PCLO: variants seen among roughly 807,000 people sequenced by gnomAD.
PCLO encodes piccolo presynaptic cytomatrix protein.
PCLO carries 82 observed loss-of-function variants against 427.5 expected under a neutral mutation model. The observed-to-expected ratio is 0.19, with a 90% CI of 0.16 to 0.23. The LOEUF (loss-of-function observed/expected upper bound fraction) is 0.23. PCLO is among the 10% of genes least tolerant of loss of function. The pLI is 1.00. For missense variants in PCLO, 6,239 were observed against 6,115.9 expected (o/e 1.02, Z -0.67); for synonymous variants, 2,357 against 2,155.4 (o/e 1.09, Z -2.59).
chr7:83,062,298 C>A (rs373566666), intron 3 of PCLO, among the ~76,000 whole-genome samples: 5 of 152,152 alleles, frequency 3.3e-5, no homozygotes, highest in African/African-American at 1.2e-4. Flanking sequence ...CACCAATGTG[C>A]TAAATCATAG....
At chr7:82,993,216 T>C (rs1372749870) in intron 3 of PCLO, among the ~76,000 whole-genome samples, 1 of 152,050 alleles carries the variant, frequency 6.6e-6, no homozygotes, top group East Asian at 1.9e-4. Context: ...AATTTTTTCA[T>C]ATGTCTTACT....
intron 3 of PCLO, among the ~76,000 whole-genome samples, chr7:83,061,185 G>C (rs1404294824): frequency 6.6e-6 from 1 of 152,082 alleles, no homozygotes; most frequent in Non-Finnish European, 1.5e-5. Context: ...TCAAAGTGTT[G>C]GCTGAGCTAT....
intron 2 of PCLO, among the ~76,000 whole-genome samples, chr7:83,145,842 C>T (rs1044382152): frequency 3.9e-5 from 6 of 152,120 alleles, no homozygotes; most frequent in Non-Finnish European, 8.8e-5. Context: ...GACCAAATCA[C>T]ACAACAAATA....
At chr7:82,844,727 C>T (rs532923644) in intron 13 of PCLO, among the ~76,000 whole-genome samples, 5 of 152,028 alleles carry the variant, frequency 3.3e-5, no homozygotes, top group Middle Eastern at 3.4e-3. Context: ...TTAAATTCCC[C>T]GGCACTTTGA....
At position 83,155,973 on chromosome 7, in the gene PCLO, T is replaced by G. The variant is rs1266106841; in HGVS notation, c.668A>C (p.Gln223Pro). 1 of 1,613,738 alleles carries G rather than the reference T, an allele frequency of 6.2e-7. No homozygotes were observed. Among genetic ancestry groups the G allele is most frequent in the Non-Finnish European group, 8.5e-7 (1 of 1,179,852 alleles). Residue 223 changes from glutamine to proline, a missense_variant, in exon 2 of 25, where the codon CAA becomes CCA. Physicochemically the swap from Gln to Pro is moderately conservative, Grantham distance 76. Coordinates refer to ENST00000333891, the MANE Select transcript of PCLO (RefSeq NM_033026.6). ...QQPPKPIPKQ[Q>P]GPGRDPLQQD... Reference sequence around the variant, plus strand: ...CTGAAGCGGATCCCTACCAGGTCCTTGCTGCTTAGGAATCGGCTTGGGTGG... The same window carrying G: ...CTGAAGCGGATCCCTACCAGGTCCTGGCTGCTTAGGAATCGGCTTGGGTGG...
intron 22 of PCLO, among the ~76,000 whole-genome samples, chr7:82,769,410 T>A (rs1292739041): frequency 3.3e-5 from 5 of 152,126 alleles, no homozygotes; most frequent in Non-Finnish European, 5.9e-5. Flanking sequence ...TGCTAAAACA[T>A]GAAAAGTGAC....
rs762238411 is a variant in PCLO, at chr7:82,952,680, A to T, written c.8273T>A (p.Ile2758Asn). The change falls in exon 5 of 25, where the codon ATC (isoleucine) becomes AAC (asparagine). Residue 2758 changes from isoleucine (I) to asparagine (N), a missense_variant. Ile to Asn is a moderately radical substitution (Grantham distance 149). Coordinates refer to ENST00000333891, the MANE Select transcript of PCLO (RefSeq NM_033026.6). ...TTTCCCATAAACTTCATTTGCTGTG[A>T]TCTGCCTTTTCACATCCATTGTAGA... ...SASTMDVKRQITANEVYGKQI... is the reference protein window; with the variant it reads ...SASTMDVKRQNTANEVYGKQI... 3 of 1,613,840 alleles carry T rather than the reference A, an allele frequency of 1.9e-6. No homozygotes were observed. The highest frequency in any genetic ancestry group is 1.3e-5 in the African/African-American group (1 of 74,934).
chr7:83,037,989 TTATA>T (rs1161030427), intron 3 of PCLO, among the ~76,000 whole-genome samples: 37 of 13,590 alleles, frequency 2.7e-3, no homozygotes, highest in East Asian at 9.6e-3. Flanking sequence ...AAGGAGGAGC[TTATA>T]TATATATATA....
rs869061778 is a variant in PCLO, at chr7:83,043,912, CTTTTTTT to C, written c.3301-77432_3301-77426del. ...AACTCAATCTTATTACTATTATTTT[CTTTTTTT>C]TTTTTTTTTTTTTTTTGCATTCTAT... On this transcript the variant is annotated intron_variant, in intron 3 of 24. Coordinates refer to ENST00000333891, the MANE Select transcript of PCLO (RefSeq NM_033026.6). Among the ~76,000 whole-genome samples, 365 of 94,928 alleles carry C rather than the reference CTTTTTTT, an allele frequency of 3.8e-3. 1 individual carries two copies. Among genetic ancestry groups the C allele is most frequent in the African/African-American group, 0.013 (319 of 24,552 alleles). 62.3% of individuals were successfully genotyped at this position (94,928 alleles called of 152,430 possible).
At chr7:82,814,850 C>T (rs2115593336) in intron 20 of PCLO, among the ~76,000 whole-genome samples, 1 of 152,030 alleles carries the variant, frequency 6.6e-6, no homozygotes, top group Non-Finnish European at 1.5e-5. Flanking sequence ...CATCCCCCGC[C>T]CCTACCAGGA....
At chr7:83,071,122 A>G (rs1045611915) in intron 3 of PCLO, among the ~76,000 whole-genome samples, 2 of 152,046 alleles carry the variant, frequency 1.3e-5, no homozygotes, top group Non-Finnish European at 2.9e-5. Context: ...TTATATTCAC[A>G]CTGTTGTGCA....
intron 3 of PCLO, among the ~76,000 whole-genome samples, chr7:82,986,900 A>G (rs1308359678): frequency 6.6e-6 from 1 of 151,958 alleles, no homozygotes; most frequent in Non-Finnish European, 1.5e-5. Flanking sequence ...AGCCTGTGAC[A>G]TTTCATAGAG....
intron 3 of PCLO, among the ~76,000 whole-genome samples, chr7:83,124,593 G>A (rs1408544788): frequency 2.0e-5 from 3 of 152,230 alleles, no homozygotes; most frequent in East Asian, 1.9e-4. Flanking sequence ...CCACTATGGA[G>A]AATAGTATGG....
intron 3 of PCLO, among the ~76,000 whole-genome samples, chr7:83,116,796 T>G (rs887011867): frequency 1.3e-5 from 2 of 152,314 alleles, no homozygotes; most frequent in South Asian, 4.1e-4. Flanking sequence ...ACGCCAAACA[T>G]GTCAGGCCTG....
intron 6 of PCLO, among the ~76,000 whole-genome samples, chr7:82,922,436 GACAAC>G (rs1443216460): frequency 1.3e-5 from 2 of 151,776 alleles, no homozygotes; most frequent in African/African-American, 4.8e-5. Flanking sequence ...TGTCCTTTGT[GACAAC>G]ATGAATGGAG....
intron 3 of PCLO, among the ~76,000 whole-genome samples, chr7:82,977,483 G>C (rs956571002): frequency 1.3e-5 from 2 of 151,284 alleles, no homozygotes; most frequent in Non-Finnish European, 2.9e-5. Context: ...GTGTGACCTT[G>C]GCTCACACAA....
At chr7:82,829,253 T>C (rs1163878448) in intron 16 of PCLO, among the ~76,000 whole-genome samples, 1 of 152,138 alleles carries the variant, frequency 6.6e-6, no homozygotes, top group Admixed American at 6.6e-5. Flanking sequence ...GACTGCATAA[T>C]GGGATCACCT....
At chr7:83,020,229 C>T (rs1370458335) in intron 3 of PCLO, among the ~76,000 whole-genome samples, 4 of 152,040 alleles carry the variant, frequency 2.6e-5, no homozygotes, top group African/African-American at 9.7e-5. Context: ...GTGTAGGAAA[C>T]AAAAACTAGT....
rs906918678 is a variant in PCLO, at chr7:83,020,619, A to T, written c.3301-54132T>A. On this transcript the variant is annotated intron_variant, in intron 3 of 24. Coordinates refer to ENST00000333891, the MANE Select transcript of PCLO (RefSeq NM_033026.6). The stretch of plus-strand genomic sequence containing the variant: ...CCAGACAAATAATGCTTGTGCCTTG[A>T]TCTTGGACTTTCAATACTCCTGACC... 3.3e-5 allele frequency among the ~76,000 whole-genome samples: 5 copies of T among 152,106 alleles called. No homozygotes were observed. The South Asian group carries it at 1.0e-3, about 32-fold the overall frequency.
Sources: gnomAD v4.1 joint callset for allele counts (sites outside exome capture counted in the v4.1 genomes callset) on GRCh38, gnomAD v4.1.1 for gene constraint, MANE v1.5 for transcripts, NCBI Gene and HGNC (gene_info 2026-07-23, HGNC 2026-07-21) for gene names.